EFTUD2: variants seen among roughly 807,000 people sequenced by gnomAD.
EFTUD2 encodes 116 kDa U5 small nuclear ribonucleoprotein component.
Under a neutral mutation model 114.3 loss-of-function variants are expected in EFTUD2, and 9 were observed. The observed-to-expected ratio is 0.08, with a 90% confidence interval of 0.05 to 0.14. EFTUD2 has a LOEUF of 0.14. Ranked by LOEUF, EFTUD2 falls within the 10% of genes least tolerant of loss-of-function variation. EFTUD2 has a pLI of 1.00. For synonymous variants in EFTUD2, 449 were observed against 462.3 expected, an observed-to-expected ratio of 0.97 and a Z score of 0.37; for missense variants, 765 against 1,241.2, an observed-to-expected ratio of 0.62 and a Z score of 5.76.
rs368683442 is a variant in EFTUD2 at position 44,856,384 on chromosome 17, G to A, written c.2045+691C>T. Among the ~76,000 whole-genome samples, 7 of 151,964 alleles carry A rather than the reference G, an allele frequency of 4.6e-5. 1 individual carries two copies. Among genetic ancestry groups the A allele is most frequent in the African/African-American group, 1.7e-4 (7 of 41,440 alleles). On this transcript the variant is annotated intron_variant, in intron 20 of 27. Transcript: ENST00000426333. ...CCTCTACTAAAAATACAAAAAATTA[G>A]CCAGGTGTGGTGGTGCGTGCATGTA...
chr17:44,860,655 G>A (rs1224734770), intron 16 of EFTUD2, 112 bp from the exon 17 acceptor site: 21 of 681,874 alleles, frequency 3.1e-5, no homozygotes, highest in Non-Finnish European at 4.4e-5. Flanking sequence ...CTGGAGTGCA[G>A]TGGCACAATC....
intron 11 of EFTUD2, among the ~76,000 whole-genome samples, chr17:44,871,087 G>A (rs1038062828): frequency 2.6e-5 from 4 of 152,070 alleles, no homozygotes; most frequent in African/African-American, 7.2e-5. Flanking sequence ...TGCCCGGGCT[G>A]GAGTGCAATG....
intron 4 of EFTUD2, 72 bp downstream of exon 4, chr17:44,885,173 TCAGCCAAAAGC>T: frequency 9.1e-7 from 1 of 1,102,718 alleles, no homozygotes; most frequent in Middle Eastern, 2.0e-4. Context: ...ACTAGCTATT[TCAGCCAAAAGC>T]CACCTCTTAT....
intron 18 of EFTUD2, 151 bp from the exon 19 acceptor site, chr17:44,859,332 G>A: frequency 1.5e-6 from 1 of 657,928 alleles, no homozygotes. Context: ...GGTTCAGTGA[G>A]GAGCATCTGC....
In EFTUD2 at chr17:44,853,290, G is replaced by A. The variant is rs772823945; in HGVS notation, c.2561+6C>T. 2 of 1,613,340 alleles carry A rather than the reference G, an allele frequency of 1.2e-6. No homozygotes were observed. The highest frequency in any genetic ancestry group is 1.7e-5 in the Admixed American group (1 of 59,964). ...CACTCTCCCTAATACGCCTGGGGCC[G>A]CTCACCTGCGCCTGGCCAGGACGGT... is the stretch of plus-strand genomic sequence containing the variant. On this transcript the variant is annotated splice_donor_region_variant and intron_variant, in intron 25 of 27. Coordinates refer to ENST00000426333, the MANE Select transcript of EFTUD2 (RefSeq NM_004247.4).
chr17:44,894,556 T>C, intron 1 of EFTUD2, 31 bp from the exon 2 acceptor site: 3 of 1,563,602 alleles, frequency 1.9e-6, no homozygotes, highest in Non-Finnish European at 2.6e-6. Context: ...AGTTAGATTC[T>C]GACAAGGTAA....
rs2051341630 is a variant in EFTUD2 at position 44,894,510 on chromosome 17, G to A, written c.12C>T (p.Asp4=). 2 of 1,613,202 alleles carry A rather than the reference G, an allele frequency of 1.2e-6. No individual in the cohort carries two copies. The highest frequency in any genetic ancestry group is 3.3e-5 in the Admixed American group (2 of 59,986). ...TATAATTCCCAAACTCATCATATAA[G>A]TCGGTATCCATGATGCTAAAATTCA... MDT[D]LYDEFGNYIG... Residue 4 remains aspartate (D), a synonymous_variant, in exon 2 of 28, where the codon GAC becomes GAT. Transcript: ENST00000426333.
intron 2 of EFTUD2, chr17:44,892,354 G>C (rs1041024050): frequency 6.6e-6 from 1 of 152,148 alleles, no homozygotes; most frequent in Non-Finnish European, 1.5e-5. Flanking sequence ...AAAAGGACAA[G>C]ACCAAACACA....
chr17:44,858,893 A>C (rs569585520), intron 19 of EFTUD2, among the ~76,000 whole-genome samples, 187 bp downstream of exon 19: 43 of 152,150 alleles, frequency 2.8e-4, no homozygotes, highest in African/African-American at 9.9e-4. Context: ...CCTTGATTTT[A>C]AACGTATGAC....
intron 11 of EFTUD2, among the ~76,000 whole-genome samples, chr17:44,870,087 T>C (rs867570899): frequency 1.1e-4 from 16 of 152,230 alleles, no homozygotes; most frequent in South Asian, 2.1e-4. Flanking sequence ...ATCTCTTCAA[T>C]ATTCCCTTCA....
chr17:44,884,773 G>A (rs777737244), intron 4 of EFTUD2, among the ~76,000 whole-genome samples: 1 of 152,078 alleles, frequency 6.6e-6, no homozygotes, highest in Non-Finnish European at 1.5e-5. Flanking sequence ...TGTAGTTCCA[G>A]CTGCTCAGGA....
Position 44,851,239 on chromosome 17 carries a change from C to T in EFTUD2, c.*35G>A, listed in dbSNP as rs777487912. The T allele has an allele frequency of 2.0e-5, 32 of 1,566,278 alleles. No homozygotes were observed. In the South Asian group the frequency reaches 3.6e-4, roughly 17 times the overall value. On this transcript the variant is annotated 3_prime_UTR_variant, in exon 28 of 28. Coordinates refer to ENST00000426333, the MANE Select transcript of EFTUD2 (RefSeq NM_004247.4). Reference sequence around the variant, plus strand: ...CTTCAAGTACAGGAGTTGCAGCCCACTGTAGGGAGCAGGAGCTCCCAGGAG... The same window carrying T: ...CTTCAAGTACAGGAGTTGCAGCCCATTGTAGGGAGCAGGAGCTCCCAGGAG...
chr17:44,869,472 A>C (rs1416227843), intron 11 of EFTUD2, among the ~76,000 whole-genome samples: 2 of 151,940 alleles, frequency 1.3e-5, no homozygotes, highest in Non-Finnish European at 2.9e-5. Context: ...CTAATTTTTA[A>C]AATTTTTTGT....
chr17:44,885,877 C>T (rs561174889), intron 3 of EFTUD2, among the ~76,000 whole-genome samples: 33 of 152,162 alleles, frequency 2.2e-4, no homozygotes, highest in African/African-American at 7.7e-4. Flanking sequence ...GATCCTCCTG[C>T]TCTGGCCTCC....
chr17:44,881,439 T>G (rs947364804), intron 7 of EFTUD2, among the ~76,000 whole-genome samples: 1 of 152,240 alleles, frequency 6.6e-6, no homozygotes, highest in Admixed American at 6.5e-5. Context: ...TCTCCTATAT[T>G]AGGCCAAATT....
chr17:44,857,101 C>T lies in EFTUD2; in HGVS notation c.2019G>A (p.Lys673=). The change falls in exon 20 of 28, where the codon AAG becomes AAA. Residue 673 remains lysine (K), a synonymous_variant. Coordinates refer to ENST00000426333, the MANE Select transcript of EFTUD2 (RefSeq NM_004247.4). ...CETVVETSSL[K]CFAETPNKKN... Reference sequence around the variant, plus strand: ...TCTTATTAGGCGTTTCAGCAAAGCACTTGAGGGAGGATGTTTCCACCACCG... The same window carrying T: ...TCTTATTAGGCGTTTCAGCAAAGCATTTGAGGGAGGATGTTTCCACCACCG... 1.2e-6 allele frequency: 2 copies of T among 1,614,048 alleles called. No homozygotes were observed. Among genetic ancestry groups the T allele is most frequent in the Non-Finnish European group, 1.7e-6 (2 of 1,179,922 alleles).
At chr17:44,876,998 AT>A (rs2050971240) in intron 9 of EFTUD2, among the ~76,000 whole-genome samples, 1 of 151,882 alleles carries the variant, frequency 6.6e-6, no homozygotes, top group African/African-American at 2.4e-5. Context: ...GTTCAAGACC[AT>A]CCCCGGCAAC....
chr17:44,856,976 CTA>C lies in EFTUD2; in HGVS notation c.2045+97_2045+98del, dbSNP rs1203894922. 1.3e-5 allele frequency: 13 copies of C among 993,748 alleles called. No homozygotes were observed. The African/African-American group carries it at 2.1e-4, about 16-fold the overall frequency. The allele number at this position is 993,748 out of a possible 1,614,324, so 61.6% of individuals were successfully genotyped here. A position where few individuals can be genotyped will look rare whatever the true frequency, so the allele number is the denominator to read the frequency against. On this transcript the variant is annotated intron_variant, in intron 20 of 27. Transcript: ENST00000426333. The stretch of plus-strand genomic sequence containing the variant: ...CCCCTATTCTGAGCTGTAGAGGTCT[CTA>C]TGTGCATAGTGCTCATGGTGGGGGT...
chr17:44,853,490 T>A (rs777692171), intron 24 of EFTUD2, 27 bp downstream of exon 24: 1 of 1,612,910 alleles, frequency 6.2e-7, no homozygotes, highest in Non-Finnish European at 8.5e-7. Flanking sequence ...GTGAAGCAGA[T>A]GGTCCCCTAC....
Sources: gnomAD v4.1 joint callset for allele counts (sites outside exome capture counted in the v4.1 genomes callset) on GRCh38, gnomAD v4.1.1 for gene constraint, MANE v1.5 for transcripts, NCBI Gene and HGNC (gene_info 2026-07-23, HGNC 2026-07-21) for gene names.